Variants in PDE1A observed in about 807,000 individuals in gnomAD.
PDE1A encodes the protein phosphodiesterase 1A.
PDE1A carries 35 observed loss-of-function variants against 61.7 expected under a neutral mutation model. The ratio of observed to expected loss-of-function variants is 0.57; its 90% CI spans 0.43 to 0.75. The LOEUF (loss-of-function observed/expected upper bound fraction) is 0.75. Ranked by LOEUF, PDE1A falls within the 30% of genes least tolerant of loss-of-function variation. PDE1A has a pLI of 0.00. For synonymous variants in PDE1A, 232 were observed against 213.2 expected (o/e 1.09, Z -0.77); for missense variants, 597 against 630.6 (o/e 0.95, Z 0.57).
At chr2:182,193,266 G>A (rs1053851982) in intron 10 of PDE1A, among the ~76,000 whole-genome samples, 3 of 152,106 alleles carry the variant, frequency 2.0e-5, no homozygotes, top group African/African-American at 4.8e-5. Context: ...TATTACAGGC[G>A]TGAGCCACCG....
At chr2:182,258,513 T>C (rs143575780) in intron 2 of PDE1A, among the ~76,000 whole-genome samples, 189 of 152,344 alleles carry the variant, frequency 1.2e-3, no homozygotes, top group African/African-American at 4.1e-3. Context: ...CTATTGAACG[T>C]TAGCATCAAA....
intron 13 of PDE1A, among the ~76,000 whole-genome samples, chr2:182,161,960 G>A (rs151259787): frequency 3.3e-5 from 5 of 152,274 alleles, no homozygotes; most frequent in African/African-American, 9.6e-5. Flanking sequence ...GTGAGCTGGG[G>A]ATGCCTGATC....
chr2:182,338,236 A>G (rs544769697), intron 1 of PDE1A, among the ~76,000 whole-genome samples: 20 of 152,300 alleles, frequency 1.3e-4, no homozygotes, highest in Admixed American at 9.8e-4. Context: ...ACACCCAGTA[A>G]CTGTTTGATG....
the PDE1A span, among the ~76,000 whole-genome samples, chr2:182,705,896 A>G: frequency 6.6e-6 from 1 of 152,254 alleles, no homozygotes; most frequent in Non-Finnish European, 1.5e-5. Context: ...TACTGATTTC[A>G]TTATTATGCA....
intron 1 of PDE1A, among the ~76,000 whole-genome samples, chr2:182,387,464 AAGAG>A (rs1701181541): frequency 1.3e-5 from 2 of 152,066 alleles, no homozygotes; most frequent in East Asian, 1.9e-4. Flanking sequence ...AGAAGAAAGA[AAGAG>A]AGAGAGAGGT....
At chr2:182,277,721 C>G (rs998365266) in intron 1 of PDE1A, among the ~76,000 whole-genome samples, 1 of 152,066 alleles carries the variant, frequency 6.6e-6, no homozygotes, top group Non-Finnish European at 1.5e-5. Flanking sequence ...AGAGAGACAC[C>G]TGATTCTTAA....
At chr2:182,471,062 T>C (rs891572141) in intron 2 of PDE1A, among the ~76,000 whole-genome samples, 3 of 151,796 alleles carry the variant, frequency 2.0e-5, no homozygotes, top group African/African-American at 7.2e-5. Flanking sequence ...TCTTCAAAAT[T>C]TAGTGAACTA....
intron 2 of PDE1A, among the ~76,000 whole-genome samples, chr2:182,243,837 CAA>C (rs1166409709): frequency 6.6e-6 from 1 of 152,104 alleles, no homozygotes; most frequent in African/African-American, 2.4e-5. Flanking sequence ...ACATATGGCT[CAA>C]AGTCTTAATG....
chr2:182,189,690 A>G (rs1685528106), intron 10 of PDE1A, among the ~76,000 whole-genome samples: 1 of 152,228 alleles, frequency 6.6e-6, no homozygotes, highest in Non-Finnish European at 1.5e-5. Context: ...AATTGAGCAC[A>G]TATGTTAAAG....
At chr2:182,248,230 T>C (rs1379514250) in intron 2 of PDE1A, among the ~76,000 whole-genome samples, 1 of 142,590 alleles carries the variant, frequency 7.0e-6, no homozygotes, top group East Asian at 2.0e-4. Context: ...CACTCCAGCC[T>C]GGGCCACAAG....
chr2:182,543,020 TG>T, the PDE1A span, among the ~76,000 whole-genome samples: 1 of 152,200 alleles, frequency 6.6e-6, no homozygotes, highest in African/African-American at 2.4e-5. Flanking sequence ...GCTGTGTTTT[TG>T]TGAGTGTACT....
chr2:182,627,456 G>A, the PDE1A span, among the ~76,000 whole-genome samples: 2 of 137,238 alleles, frequency 1.5e-5, no homozygotes, highest in Non-Finnish European at 3.0e-5. Context: ...TCTCTTTCAA[G>A]TAAATCATTG....
the PDE1A span, among the ~76,000 whole-genome samples, chr2:182,627,452 T>C: frequency 0.5 from 67,461 of 135,396 alleles, 17,607 homozygotes; most frequent in Admixed American, 0.63. Flanking sequence ...AAAATCTCTT[T>C]CAAGTAAATC....
intron 13 of PDE1A, among the ~76,000 whole-genome samples, chr2:182,160,378 A>G (rs1395303701): frequency 6.6e-6 from 1 of 152,138 alleles, no homozygotes; most frequent in African/African-American, 2.4e-5. Context: ...GCCACCCTCA[A>G]TGTGGGCAGG....
At chr2:182,599,477 C>T in the PDE1A span, among the ~76,000 whole-genome samples, 1 of 152,150 alleles carries the variant, frequency 6.6e-6, no homozygotes, top group Non-Finnish European at 1.5e-5. Context: ...TCATTAAATC[C>T]GATCAGATTT....
the PDE1A span, among the ~76,000 whole-genome samples, chr2:182,635,139 C>T: frequency 2.0e-5 from 3 of 149,468 alleles, no homozygotes; most frequent in Non-Finnish European, 4.4e-5. Context: ...AAAAAAAAAG[C>T]TGATTTTTAA....
intron 13 of PDE1A, among the ~76,000 whole-genome samples, chr2:182,171,755 A>G (rs1418834719): frequency 2.6e-5 from 4 of 151,216 alleles, no homozygotes; most frequent in Non-Finnish European, 4.4e-5. Context: ...TCAAACTGCT[A>G]CTAGATGAGA....
chr2:182,419,082 A>C (rs1703105369), intron 1 of PDE1A, among the ~76,000 whole-genome samples: 1 of 152,176 alleles, frequency 6.6e-6, no homozygotes, highest in South Asian at 2.1e-4. Context: ...AAAAAAAAAA[A>C]ACATTGTACT....
chr2:182,339,748 C>A (rs543898072), intron 1 of PDE1A, among the ~76,000 whole-genome samples: 1 of 152,250 alleles, frequency 6.6e-6, no homozygotes, highest in African/African-American at 2.4e-5. Context: ...CCTGCCCACT[C>A]ATAATCTCTT....
Sources: allele counts gnomAD v4.1 joint callset (sites outside exome capture counted in the v4.1 genomes callset), GRCh38; gene constraint gnomAD v4.1.1; transcripts MANE v1.5; gene names NCBI Gene and HGNC (gene_info 2026-07-23, HGNC 2026-07-21).